Variants in ADAMTS3 observed in about 807,000 individuals in gnomAD.
ADAMTS3 encodes ADAM metallopeptidase with thrombospondin type 1 motif 3.
Under a neutral mutation model 129.0 loss-of-function variants are expected in ADAMTS3, and 73 were observed. The ratio of observed to expected loss-of-function variants is 0.57; its 90% CI spans 0.47 to 0.69. The LOEUF (loss-of-function observed/expected upper bound fraction) is 0.69, where lower values mean the gene tolerates loss of function less well. Ranked by LOEUF, ADAMTS3 falls within the 30% of genes least tolerant of loss-of-function variation. ADAMTS3 has a pLI of 0.00. For synonymous variants in ADAMTS3, 477 were observed against 510.8 expected, an observed-to-expected ratio of 0.93 and a Z score of 0.89; for missense variants, 1,457 against 1,514.5, an observed-to-expected ratio of 0.96 and a Z score of 0.63.
At chr4:72,316,309 G>T (rs1015426699) in intron 10 of ADAMTS3, among the ~76,000 whole-genome samples, 6 of 152,134 alleles carry the variant, frequency 3.9e-5, no homozygotes, top group African/African-American at 1.2e-4. Flanking sequence ...TTGTAAATAT[G>T]AAAATATAAT....
chr4:72,435,092 T>C (rs1339366509), intron 3 of ADAMTS3, among the ~76,000 whole-genome samples: 2 of 151,850 alleles, frequency 1.3e-5, no homozygotes, highest in African/African-American at 2.4e-5. Context: ...AGCAAAGACA[T>C]AGTTTCTAAC....
intron 4 of ADAMTS3, among the ~76,000 whole-genome samples, chr4:72,392,411 AC>A (rs1476091069): frequency 6.6e-6 from 1 of 152,170 alleles, no homozygotes; most frequent in Non-Finnish European, 1.5e-5. Context: ...CAAACTTCCT[AC>A]ATATTTAAAA....
intron 3 of ADAMTS3, among the ~76,000 whole-genome samples, chr4:72,460,512 C>T (rs183642453): frequency 4.1e-4 from 62 of 151,270 alleles, no homozygotes; most frequent in Non-Finnish European, 6.5e-4. Context: ...GTACAAAGGC[C>T]TTTTAAAAAT....
intron 3 of ADAMTS3, among the ~76,000 whole-genome samples, chr4:72,450,135 A>G (rs1044088740): frequency 1.3e-5 from 2 of 151,622 alleles, no homozygotes; most frequent in African/African-American, 4.8e-5. Flanking sequence ...TGACACTAAT[A>G]ATCTTGGTGC....
intron 2 of ADAMTS3, among the ~76,000 whole-genome samples, chr4:72,561,241 G>A (rs764173623): frequency 4.6e-5 from 7 of 152,098 alleles, no homozygotes; most frequent in Non-Finnish European, 8.8e-5. Context: ...CCAGCTACTC[G>A]GGAGGCTGAG....
At chr4:72,350,756 A>C (rs1207086765) in intron 4 of ADAMTS3, among the ~76,000 whole-genome samples, 2 of 151,998 alleles carry the variant, frequency 1.3e-5, no homozygotes, top group East Asian at 3.9e-4. Context: ...GGAAACAAGC[A>C]CTATTCCCAG....
intron 5 of ADAMTS3, among the ~76,000 whole-genome samples, chr4:72,329,203 G>T (rs1046754005): frequency 1.3e-5 from 2 of 152,220 alleles, no homozygotes; most frequent in East Asian, 1.9e-4. Context: ...AATGCAAAAA[G>T]ACATGCGGGC....
intron 3 of ADAMTS3, among the ~76,000 whole-genome samples, chr4:72,471,494 G>A (rs560323374): frequency 6.6e-6 from 1 of 152,070 alleles, no homozygotes; most frequent in East Asian, 1.9e-4. Flanking sequence ...TAGAATCAAA[G>A]AATGTTCTCA....
chr4:72,533,626 T>A (rs867770830), intron 3 of ADAMTS3, among the ~76,000 whole-genome samples: 11 of 151,974 alleles, frequency 7.2e-5, no homozygotes, highest in Middle Eastern at 6.9e-3. Context: ...TATATACATA[T>A]ATATGTATAT....
At chr4:72,520,871 A>C (rs1720651431) in intron 3 of ADAMTS3, among the ~76,000 whole-genome samples, 1 of 151,496 alleles carries the variant, frequency 6.6e-6, no homozygotes, top group African/African-American at 2.4e-5. Flanking sequence ...ACTGTTTGGC[A>C]CTGCCTAGTG....
chr4:72,381,902 G>A (rs1321655275), intron 4 of ADAMTS3, among the ~76,000 whole-genome samples: 1 of 152,178 alleles, frequency 6.6e-6, no homozygotes, highest in East Asian at 1.9e-4. Context: ...ATAGATCTTT[G>A]GGAATGGGAT....
intron 3 of ADAMTS3, among the ~76,000 whole-genome samples, chr4:72,435,995 T>A (rs1242430234): frequency 2.6e-5 from 4 of 151,796 alleles, no homozygotes; most frequent in African/African-American, 9.7e-5. Flanking sequence ...AAGACAAAAT[T>A]GACAAATGGG....
intron 4 of ADAMTS3, among the ~76,000 whole-genome samples, chr4:72,341,854 A>G (rs1720145717): frequency 6.6e-6 from 1 of 152,162 alleles, no homozygotes; most frequent in South Asian, 2.1e-4. Flanking sequence ...ATCAAGAATA[A>G]TTTGTCCCTA....
At chr4:72,458,695 T>C (rs1421760843) in intron 3 of ADAMTS3, among the ~76,000 whole-genome samples, 1 of 151,478 alleles carries the variant, frequency 6.6e-6, no homozygotes, top group Non-Finnish European at 1.5e-5. Context: ...TCCCAACCTA[T>C]GATTCCCTGA....
intron 4 of ADAMTS3, among the ~76,000 whole-genome samples, chr4:72,383,151 C>T (rs1217474010): frequency 6.6e-6 from 1 of 151,606 alleles, no homozygotes; most frequent in Non-Finnish European, 1.5e-5. Context: ...ACATCTTCCA[C>T]ATTCCAAAAT....
At chr4:72,432,278 T>C (rs1383936) in intron 3 of ADAMTS3, among the ~76,000 whole-genome samples, 107,845 of 151,766 alleles carry the variant, frequency 0.71, 38,535 homozygotes, top group South Asian at 0.8. Context: ...CCATGCCACA[T>C]AATGGGAGAA....
intron 3 of ADAMTS3, among the ~76,000 whole-genome samples, chr4:72,516,540 G>C (rs148135258): frequency 6.6e-6 from 1 of 152,078 alleles, no homozygotes; most frequent in Non-Finnish European, 1.5e-5. Flanking sequence ...TCTCCTTGAA[G>C]AGGTCCTTCA....
chr4:72,516,130 T>G lies in ADAMTS3; in HGVS notation c.504+32348A>C, dbSNP rs181525079. Among the ~76,000 whole-genome samples, 340 of 152,200 alleles carry G rather than the reference T, an allele frequency of 2.2e-3. 3 individuals carry two copies. Among genetic ancestry groups the G allele is most frequent in the African/African-American group, 7.9e-3 (328 of 41,542 alleles). On this transcript the variant is annotated intron_variant, in intron 3 of 21. Coordinates refer to ENST00000286657, the MANE Select transcript of ADAMTS3 (RefSeq NM_014243.3). ...ATTGCTTGTTTTTCTCAGGTTTGTC[T>G]AAGATCAGATAGTTGTAGATATGCA... is the stretch of plus-strand genomic sequence containing the variant.
intron 2 of ADAMTS3, among the ~76,000 whole-genome samples, chr4:72,557,994 T>C (rs1257070819): frequency 6.6e-6 from 1 of 151,826 alleles, no homozygotes; most frequent in African/African-American, 2.4e-5. Flanking sequence ...TAAAAATTAA[T>C]ATTTCTCACA....
Sources: allele counts gnomAD v4.1 joint callset (sites outside exome capture counted in the v4.1 genomes callset), GRCh38; gene constraint gnomAD v4.1.1; transcripts MANE v1.5; gene names NCBI Gene and HGNC (gene_info 2026-07-23, HGNC 2026-07-21).